REV3L: variants seen among roughly 807,000 people sequenced by gnomAD.
The protein encoded by REV3L is DNA polymerase zeta catalytic subunit.
In REV3L, 69 loss-of-function variants were observed where a neutral mutation model predicts 299.4. The ratio of observed to expected loss-of-function variants is 0.23; its 90% CI spans 0.19 to 0.28. The LOEUF is 0.28. Among genes scored for constraint, REV3L ranks in the 10% least tolerant of loss-of-function variants. The pLI, the probability that REV3L is intolerant of heterozygous loss-of-function variation, is 1.00. For missense variants in REV3L, 3,128 were observed against 3,693.8 expected (o/e 0.85, Z 3.97); for synonymous variants, 1,238 against 1,271.4 (o/e 0.97, Z 0.56).
chr6:111,364,583 C>T (rs1376696430), intron 15 of REV3L, among the ~76,000 whole-genome samples: 1 of 151,826 alleles, frequency 6.6e-6, no homozygotes, highest in Non-Finnish European at 1.5e-5. Context: ...TGTAATTCAA[C>T]AGTATTTTAT....
chr6:111,404,969 G>A (rs917545131), intron 4 of REV3L, among the ~76,000 whole-genome samples: 3 of 152,162 alleles, frequency 2.0e-5, no homozygotes, highest in Non-Finnish European at 1.5e-5. Flanking sequence ...AGACCAACAC[G>A]TCCACTAACC....
intron 2 of REV3L, among the ~76,000 whole-genome samples, chr6:111,414,374 T>A (rs1256111945): frequency 6.6e-6 from 1 of 152,072 alleles, no homozygotes; most frequent in Non-Finnish European, 1.5e-5. Flanking sequence ...TGAGAGAAAG[T>A]CACTGTTTCT....
intron 21 of REV3L, among the ~76,000 whole-genome samples, chr6:111,341,949 T>C (rs540557923): frequency 2.7e-5 from 4 of 150,454 alleles, no homozygotes; most frequent in African/African-American, 9.7e-5. Context: ...ATCACCCCCT[T>C]GTTAACAACC....
intron 21 of REV3L, among the ~76,000 whole-genome samples, chr6:111,337,731 T>C (rs1015546646): frequency 3.9e-5 from 6 of 152,344 alleles, no homozygotes; most frequent in East Asian, 3.8e-4. Context: ...TTAATCTGCA[T>C]TGTTTTGTTT....
chr6:111,366,373 T>A (rs1779213217), intron 14 of REV3L, among the ~76,000 whole-genome samples: 1 of 152,118 alleles, frequency 6.6e-6, no homozygotes, highest in Non-Finnish European at 1.5e-5. Flanking sequence ...TCTGTAGTAA[T>A]CCTGTAGACA....
chr6:111,358,790 G>T (rs1171986682), intron 17 of REV3L, 32 bp downstream of exon 17: 1 of 1,515,048 alleles, frequency 6.6e-7, no homozygotes. Context: ...CCTAGAGTGG[G>T]CAGGTATATC....
chr6:111,315,609 G>C (rs1773435502), intron 26 of REV3L: 1 of 493,908 alleles, frequency 2.0e-6, no homozygotes, highest in East Asian at 3.6e-5. Flanking sequence ...CTAACACACA[G>C]ATCAGCTCAG....
chr6:111,431,852 A>G (rs1432247763), intron 1 of REV3L: 2 of 510,300 alleles, frequency 3.9e-6, no homozygotes, highest in Non-Finnish European at 7.1e-6. Context: ...CGCTTTTTAG[A>G]ATATGTTAAA....
At position 111,374,339 on chromosome 6, in the gene REV3L, G is replaced by A. The variant is rs772978369; in HGVS notation, c.4016C>T (p.Pro1339Leu). ...AGTAAACATAGCACTTTGATTATGA[G>A]GCCTTTGAACATTAATTTTTGAGAC... Reference protein sequence around the residue: ...PGVSKINVQRPHNQSAMFTLK... With the variant: ...PGVSKINVQRLHNQSAMFTLK... The change falls in exon 13 of 32, where the codon CCT (proline) becomes CTT (leucine). Residue 1339 changes from proline to leucine, a missense_variant. By Grantham distance (98) the Pro-to-Leu change is moderately conservative. Transcript: ENST00000368802. The A allele has an allele frequency of 1.2e-6, 2 of 1,613,856 alleles. No individual in the cohort carries two copies. The highest frequency in any genetic ancestry group is 1.7e-5 in the Admixed American group (1 of 59,994).
intron 1 of REV3L, among the ~76,000 whole-genome samples, chr6:111,436,418 A>G (rs1445648841): frequency 1.3e-5 from 2 of 152,356 alleles, no homozygotes; most frequent in East Asian, 3.8e-4. Context: ...AAAATATGGT[A>G]TATATACACA....
intron 23 of REV3L, 51 bp from the exon 24 acceptor site, chr6:111,331,835 A>G (rs1469654593): frequency 8.4e-7 from 1 of 1,187,220 alleles, no homozygotes; most frequent in East Asian, 2.4e-5. Context: ...CATAGAACAG[A>G]GATTTTACGC....
At chr6:111,394,236 T>C (rs1044388128) in intron 4 of REV3L, among the ~76,000 whole-genome samples, 1 of 152,200 alleles carries the variant, frequency 6.6e-6, no homozygotes. Flanking sequence ...ATAATGGCTG[T>C]ACTAATTTAC....
chr6:111,368,599 G>A (rs930103131), intron 13 of REV3L, among the ~76,000 whole-genome samples: 2 of 152,026 alleles, frequency 1.3e-5, no homozygotes, highest in African/African-American at 4.8e-5. Context: ...GATTAACACT[G>A]ACATAACTTA....
chr6:111,310,915 T>C, intron 29 of REV3L, 154 bp downstream of exon 29: 2 of 496,524 alleles, frequency 4.0e-6, no homozygotes, highest in East Asian at 3.1e-5. Context: ...TTACGAAGTA[T>C]GAGGGAATAT....
At chr6:111,437,783 T>A (rs1251431318) in intron 1 of REV3L, among the ~76,000 whole-genome samples, 1 of 152,214 alleles carries the variant, frequency 6.6e-6, no homozygotes, top group East Asian at 1.9e-4. Context: ...GTTGCACAAC[T>A]CTGTGAACAA....
intron 4 of REV3L, among the ~76,000 whole-genome samples, chr6:111,394,595 C>T (rs899714986): frequency 6.6e-6 from 1 of 152,044 alleles, no homozygotes; most frequent in Non-Finnish European, 1.5e-5. Context: ...CTTTGCTGTG[C>T]AGAAGCTTTT....
At chr6:111,446,001 C>G (rs1425643725) in intron 1 of REV3L, among the ~76,000 whole-genome samples, 2 of 152,148 alleles carry the variant, frequency 1.3e-5, no homozygotes, top group Non-Finnish European at 2.9e-5. Flanking sequence ...ACAATGGAGA[C>G]AGACTGAGGA....
chr6:111,430,949 G>A, intron 1 of REV3L: 31 of 1,587,534 alleles, frequency 2.0e-5, no homozygotes, highest in Non-Finnish European at 2.6e-5. Flanking sequence ...AATGACAACT[G>A]GAAGACTTCA....
At chr6:111,455,441 A>T (rs998990901) in intron 1 of REV3L, among the ~76,000 whole-genome samples, 2 of 152,226 alleles carry the variant, frequency 1.3e-5, no homozygotes, top group South Asian at 2.1e-4. Flanking sequence ...GAGAAGCAGA[A>T]GATGATGCTG....
Sources: allele counts gnomAD v4.1 joint callset (sites outside exome capture counted in the v4.1 genomes callset), GRCh38; gene constraint gnomAD v4.1.1; transcripts MANE v1.5; gene names NCBI Gene and HGNC (gene_info 2026-07-23, HGNC 2026-07-21).